Variants in NRXN3 observed in about 807,000 individuals in gnomAD.
NRXN3 encodes neurexin III.
A neutral mutation model predicts 137.6 loss-of-function variants in NRXN3; 32 were observed. The observed-to-expected ratio is 0.23, with a 90% CI of 0.18 to 0.31. The LOEUF is 0.31. NRXN3 is among the 10% of genes least tolerant of loss of function. NRXN3 has a pLI of 1.00. For missense variants in NRXN3, 1,574 were observed against 2,062.5 expected, an observed-to-expected ratio of 0.76 and a Z score of 4.59; for synonymous variants, 798 against 784.5, an observed-to-expected ratio of 1.02 and a Z score of -0.29.
intron 4 of NRXN3, among the ~76,000 whole-genome samples, chr14:78,427,636 A>G (rs1014421051): frequency 3.3e-5 from 5 of 152,210 alleles, no homozygotes; most frequent in African/African-American, 9.6e-5. Context: ...GAAAGAAAAT[A>G]ACTCATTGCT....
At chr14:78,290,289 C>T (rs1253637958) in intron 3 of NRXN3, among the ~76,000 whole-genome samples, 1 of 152,180 alleles carries the variant, frequency 6.6e-6, no homozygotes, top group East Asian at 1.9e-4. Flanking sequence ...ATTCTTATAT[C>T]TAACAAATTA....
At chr14:79,114,733 G>C (rs1276815627) in intron 15 of NRXN3, among the ~76,000 whole-genome samples, 2 of 152,040 alleles carry the variant, frequency 1.3e-5, no homozygotes, top group East Asian at 3.9e-4. Context: ...TTGCTATGTT[G>C]CTCAGGCTGG....
chr14:78,415,405 G>A (rs1293983391), intron 4 of NRXN3, among the ~76,000 whole-genome samples: 1 of 152,144 alleles, frequency 6.6e-6, no homozygotes, highest in Non-Finnish European at 1.5e-5. Flanking sequence ...ATAACAATTT[G>A]TTATTTCCCA....
chr14:79,861,346 G>A lies in NRXN3; in HGVS notation c.4098G>A (p.Lys1366=), dbSNP rs770339843. ...CCACCTTCTCCTTGGTAACAGATAA[G>A]AGTCTTTCCACTTCAATCTTCGAAG... is the stretch of plus-strand genomic sequence containing the variant. ...DFVECEPSTD[K]SLSTSIFEGG... is the part of the protein sequence containing the mutation. Residue 1366 remains lysine, a synonymous_variant, in exon 21 of 21, where the codon AAG becomes AAA. Transcript: ENST00000335750. This position sits in a 1 kb window ranked among gnomAD's most constrained non-coding sequence, Gnocchi z 5.4. The A allele has an allele frequency of 6.5e-6, 10 of 1,535,980 alleles. No homozygotes were observed. In the East Asian group the frequency reaches 2.2e-4, roughly 34 times the overall value.
intron 4 of NRXN3, among the ~76,000 whole-genome samples, chr14:78,424,698 A>G (rs2093591710): frequency 6.6e-6 from 1 of 152,206 alleles, no homozygotes; most frequent in South Asian, 2.1e-4. Flanking sequence ...GAGTTGCTGG[A>G]GTTTGAATCT....
intron 15 of NRXN3, among the ~76,000 whole-genome samples, chr14:79,178,173 C>G (rs1222319817): frequency 2.6e-5 from 4 of 152,142 alleles, no homozygotes; most frequent in Admixed American, 2.0e-4. Flanking sequence ...GGTTGGGCAG[C>G]CTGAGTTGCA....
intron 4 of NRXN3, among the ~76,000 whole-genome samples, chr14:78,614,409 T>C (rs538458642): frequency 6.6e-6 from 1 of 152,292 alleles, no homozygotes; most frequent in African/African-American, 2.4e-5. Flanking sequence ...TATGAAAAGA[T>C]AGATGATTTA....
At chr14:78,656,312 C>T (rs527529526) in intron 6 of NRXN3, among the ~76,000 whole-genome samples, 69 of 152,172 alleles carry the variant, frequency 4.5e-4, no homozygotes, top group African/African-American at 1.5e-3. Context: ...CCTAATACAT[C>T]CTGGGGTTCA....
intron 15 of NRXN3, among the ~76,000 whole-genome samples, chr14:79,377,138 A>T (rs926525169): frequency 6.6e-6 from 1 of 152,228 alleles, no homozygotes; most frequent in African/African-American, 2.4e-5. Context: ...CAGAAATATG[A>T]TGTTTACTTA....
At chr14:79,012,053 A>G (rs1452849489) in intron 15 of NRXN3, among the ~76,000 whole-genome samples, 1 of 152,218 alleles carries the variant, frequency 6.6e-6, no homozygotes, top group Non-Finnish European at 1.5e-5. Context: ...GAATTTTCTA[A>G]AATTATAACC....
chr14:78,904,318 TATCTC>T (rs1240471304), intron 10 of NRXN3, among the ~76,000 whole-genome samples: 1 of 151,994 alleles, frequency 6.6e-6, no homozygotes, highest in Non-Finnish European at 1.5e-5. Flanking sequence ...TGCTGCTAAA[TATCTC>T]AGAGTACACA....
At chr14:79,232,333 C>G (rs377344913) in intron 15 of NRXN3, among the ~76,000 whole-genome samples, 10 of 152,042 alleles carry the variant, frequency 6.6e-5, no homozygotes, top group African/African-American at 2.4e-4. Flanking sequence ...CTTGTTAAAA[C>G]ACATTTTAAG....
At chr14:78,734,737 C>A (rs1417383692) in intron 8 of NRXN3, among the ~76,000 whole-genome samples, 1 of 152,046 alleles carries the variant, frequency 6.6e-6, no homozygotes, top group Non-Finnish European at 1.5e-5. Context: ...GTCTTCTAGG[C>A]AGAAGGTTGT....
chr14:78,227,470 C>T (rs1267206537), intron 1 of NRXN3, among the ~76,000 whole-genome samples: 1 of 152,176 alleles, frequency 6.6e-6, no homozygotes, highest in Non-Finnish European at 1.5e-5. Context: ...TCAGTACTTA[C>T]TTGTTTGCTC....
intron 15 of NRXN3, among the ~76,000 whole-genome samples, chr14:79,230,316 G>T (rs375216145): frequency 6.6e-6 from 1 of 152,120 alleles, no homozygotes; most frequent in Non-Finnish European, 1.5e-5. Context: ...TCATTGTTGG[G>T]TGCTGAGAGA....
chr14:79,568,084 A>C (rs79906370), intron 16 of NRXN3, among the ~76,000 whole-genome samples: 8,748 of 152,246 alleles, frequency 0.057, 265 homozygotes, highest in East Asian at 0.08. Flanking sequence ...AGAATTAGAA[A>C]GTGATGAGTC....
chr14:79,389,852 T>C (rs923323514), intron 15 of NRXN3, among the ~76,000 whole-genome samples: 3 of 152,162 alleles, frequency 2.0e-5, no homozygotes, highest in Admixed American at 2.0e-4. Flanking sequence ...GTTTGAACAA[T>C]TCTGTGAAGA....
intron 16 of NRXN3, among the ~76,000 whole-genome samples, chr14:79,560,511 T>TTTTTTC (rs1395517971): frequency 2.5e-5 from 3 of 118,546 alleles, no homozygotes; most frequent in Admixed American, 8.9e-5. Context: ...AAGCTTTTTT[T>TTTTTTC]TTTTTTTTTT....
chr14:78,287,311 CATG>C (rs2075284724), intron 3 of NRXN3, among the ~76,000 whole-genome samples: 1 of 152,156 alleles, frequency 6.6e-6, no homozygotes, highest in Non-Finnish European at 1.5e-5. Context: ...GTAAAGCCAT[CATG>C]ATGATACACC....
Sources: allele counts gnomAD v4.1 joint callset (sites outside exome capture counted in the v4.1 genomes callset), GRCh38; gene constraint gnomAD v4.1.1; non-coding constraint Gnocchi (gnomAD v3.1); transcripts MANE v1.5; gene names NCBI Gene and HGNC (gene_info 2026-07-23, HGNC 2026-07-21).